Variants in VPS53 observed in about 807,000 individuals in gnomAD.
The protein encoded by VPS53 is vacuolar protein sorting-associated protein 53 homolog.
A neutral mutation model predicts 107.0 loss-of-function variants in VPS53; 70 were observed. The ratio of observed to expected loss-of-function variants is 0.65; its 90% CI spans 0.54 to 0.80. The LOEUF (loss-of-function observed/expected upper bound fraction) is 0.80, where lower values mean the gene tolerates loss of function less well. Among genes scored for constraint, VPS53 ranks in the 30% least tolerant of loss-of-function variants. VPS53 has a pLI of 0.00. For synonymous variants in VPS53, 409 were observed against 393.3 expected (o/e 1.04, Z -0.47); for missense variants, 917 against 1,049.4 (o/e 0.87, Z 1.74).
intron 13 of VPS53, among the ~76,000 whole-genome samples, chr17:583,322 G>A (rs976417166): frequency 6.7e-6 from 1 of 149,856 alleles, no homozygotes; most frequent in Non-Finnish European, 1.5e-5. Flanking sequence ...AGGACATAAT[G>A]CATTCCCACA....
chr17:621,638 T>C (rs1391352036), intron 11 of VPS53, among the ~76,000 whole-genome samples: 1 of 152,226 alleles, frequency 6.6e-6, no homozygotes, highest in Non-Finnish European at 1.5e-5. Context: ...TTTTCATGTT[T>C]ATTAGCCAAC....
chr17:634,358 A>G (rs1970099122), intron 7 of VPS53, among the ~76,000 whole-genome samples: 1 of 152,004 alleles, frequency 6.6e-6, no homozygotes, highest in African/African-American at 2.4e-5. Context: ...CATGCTCTTC[A>G]TTTTCATTTT....
chr17:624,509 C>T (rs2143028625), intron 10 of VPS53, among the ~76,000 whole-genome samples: 1 of 152,292 alleles, frequency 6.6e-6, no homozygotes, highest in South Asian at 2.1e-4. Context: ...AAGGACTAAG[C>T]TACCATCTTC....
At position 714,647 on chromosome 17, in the gene VPS53, G is replaced by A. The variant is rs147368637; in HGVS notation, c.63C>T (p.Pro21=). ...EELEAVLQLT[P]EVQLAIEQVF... ...CCTGCTCGATGGCCAGCTGCACCTC[G>A]GGCGTGAGCTGCAGCACGGCTTCCA... is the stretch of plus-strand genomic sequence containing the variant. The change falls in exon 1 of 22, where the codon CCC becomes CCT. Residue 21 remains proline (P), a synonymous_variant. Coordinates refer to ENST00000437048, the MANE Select transcript of VPS53 (RefSeq NM_001128159.3). 244 of 1,612,422 alleles carry A rather than the reference G, an allele frequency of 1.5e-4. No individual in the cohort carries two copies. Among genetic ancestry groups the A allele is most frequent in the Non-Finnish European group, 2.0e-4 (232 of 1,179,392 alleles).
At chr17:712,574 C>T (rs1487733915) in intron 1 of VPS53, among the ~76,000 whole-genome samples, 1 of 152,084 alleles carries the variant, frequency 6.6e-6, no homozygotes, top group East Asian at 1.9e-4. Flanking sequence ...CATCACTACT[C>T]TTTACAAGTA....
chr17:660,995 G>A (rs758909025), intron 5 of VPS53, among the ~76,000 whole-genome samples: 8 of 151,976 alleles, frequency 5.3e-5, no homozygotes, highest in African/African-American at 9.7e-5. Flanking sequence ...GCACAACACC[G>A]GGGGACACAA....
intron 12 of VPS53, among the ~76,000 whole-genome samples, chr17:588,655 T>C (rs1967461496): frequency 6.6e-6 from 1 of 152,222 alleles, no homozygotes; most frequent in Non-Finnish European, 1.5e-5. Flanking sequence ...TGGTCCTTCC[T>C]AAGAATAAAT....
At chr17:694,326 G>T (rs941646806) in intron 4 of VPS53, among the ~76,000 whole-genome samples, 1 of 152,204 alleles carries the variant, frequency 6.6e-6, no homozygotes, top group Non-Finnish European at 1.5e-5. Context: ...GGAGAACGCC[G>T]ACATTCCTGC....
chr17:620,659 G>C (rs1376764777), intron 11 of VPS53, among the ~76,000 whole-genome samples: 2 of 150,806 alleles, frequency 1.3e-5, no homozygotes, highest in Non-Finnish European at 2.9e-5. Context: ...AGCTATGGGT[G>C]TTTCAGATTC....
chr17:515,824 TCA>T lies in VPS53; in HGVS notation c.*3302_*3303del, dbSNP rs1288279614. ...AAAGTCTTTTTTTTTTAACTGAGTC[TCA>T]CTCTGTCTCCCAGGCTGGAGTGCAG... On this transcript the variant is annotated 3_prime_UTR_variant, in exon 22 of 22. Coordinates refer to ENST00000437048, the MANE Select transcript of VPS53 (RefSeq NM_001128159.3). The T allele has an allele frequency of 3.3e-5, 5 of 151,832 alleles. No homozygotes were observed. The highest frequency in any genetic ancestry group is 7.4e-5 in the Non-Finnish European group (5 of 67,976). The allele number at this position is 151,832 out of a possible 1,614,324, so 9.4% of individuals were successfully genotyped here.
At chr17:548,850 T>C (rs1177057334) in intron 17 of VPS53, among the ~76,000 whole-genome samples, 1 of 152,252 alleles carries the variant, frequency 6.6e-6, no homozygotes, top group Non-Finnish European at 1.5e-5. Flanking sequence ...CTGTTTGAAC[T>C]GCCCTACTAA....
chr17:572,305 G>T (rs1253406912), intron 13 of VPS53, among the ~76,000 whole-genome samples: 1 of 150,554 alleles, frequency 6.6e-6, no homozygotes, highest in African/African-American at 2.5e-5. Flanking sequence ...CCCTCTGCCC[G>T]GCAACCGCCC....
chr17:682,499 C>T (rs968144986), intron 4 of VPS53, among the ~76,000 whole-genome samples: 6 of 152,040 alleles, frequency 3.9e-5, no homozygotes, highest in Non-Finnish European at 7.4e-5. Flanking sequence ...GTAAGGAAGA[C>T]GGGGGTGCCA....
In VPS53 at chr17:562,637, G is replaced by C; in HGVS notation, c.1422C>G (p.Leu474=). The change falls in exon 14 of 22, where the codon CTC becomes CTG. Residue 474 remains leucine, a synonymous_variant. Transcript: ENST00000437048. ...CCATGCACTTCTTGTAGTAGACAAA[G>C]AGGTCGGCGCAGCTGGGGAGCACGG... ...GGAVLPSCAD[L]FVYYKKCMVQ... is the part of the protein sequence containing the mutation. The C allele has an allele frequency of 1.2e-6, 2 of 1,614,020 alleles. No homozygotes were observed. The highest frequency in any genetic ancestry group is 2.2e-5 in the East Asian group (1 of 44,872).
Position 511,620 on chromosome 17 carries a change from G to A in VPS53, c.*7508C>T, listed in dbSNP as rs1907949386. The stretch of plus-strand genomic sequence containing the variant: ...ATTATAAGGATTCAGCTGGCCTTGG[G>A]AAAAGTCTAAACATCTTTGAAACAC... On this transcript the variant is annotated 3_prime_UTR_variant, in exon 22 of 22. Coordinates refer to ENST00000437048, the MANE Select transcript of VPS53 (RefSeq NM_001128159.3). 6.6e-6 allele frequency: 1 copy of A among 152,134 alleles called. No individual in the cohort carries two copies. Among genetic ancestry groups the A allele is most frequent in the African/African-American group, 2.4e-5 (1 of 41,418 alleles). The allele number at this position is 152,134 out of a possible 1,614,324, so 9.4% of individuals were successfully genotyped here.
chr17:552,534 G>A (rs1911935663), intron 16 of VPS53: 1 of 153,170 alleles, frequency 6.5e-6, no homozygotes, highest in Non-Finnish European at 1.5e-5. Flanking sequence ...AGAACTTCCT[G>A]GACGGACCTC....
intron 7 of VPS53, among the ~76,000 whole-genome samples, chr17:646,804 C>T (rs201169976): frequency 0.045 from 2,448 of 54,826 alleles, 5 homozygotes; most frequent in East Asian, 0.12. Context: ...CACACATCTC[C>T]GTGACCGCGT....
rs1456741172 is a variant in VPS53, at chr17:521,603, T to C, written c.2221A>G (p.Lys741Glu). 4 of 1,541,326 alleles carry C rather than the reference T, an allele frequency of 2.6e-6. No individual in the cohort carries two copies. The highest frequency in any genetic ancestry group is 2.6e-6 in the Non-Finnish European group (3 of 1,141,008). The change falls in exon 20 of 22, where the codon AAG becomes GAG. Residue 741 changes from lysine (K) to glutamate (E), a missense_variant and splice_region_variant. By Grantham distance (56) the Lys-to-Glu change is moderately conservative. Coordinates refer to ENST00000437048, the MANE Select transcript of VPS53 (RefSeq NM_001128159.3). ...CCCCTTTTAACACAAGCCATCACCTTGAGGATCATCTCAGCCCGGGTCATG... is the reference window on the plus strand; with the variant it reads ...CCCCTTTTAACACAAGCCATCACCTCGAGGATCATCTCAGCCCGGGTCATG... ...KGMTRAEMIL[K>E]VVMAPHEPLV...
intron 19 of VPS53, among the ~76,000 whole-genome samples, chr17:531,572 A>G (rs1220342349): frequency 6.7e-6 from 1 of 149,994 alleles, no homozygotes; most frequent in Non-Finnish European, 1.5e-5. Flanking sequence ...CGGCACGATC[A>G]TAGCTCACTT....
Sources: gnomAD v4.1 joint callset for allele counts (sites outside exome capture counted in the v4.1 genomes callset) on GRCh38, gnomAD v4.1.1 for gene constraint, MANE v1.5 for transcripts, NCBI Gene and HGNC (gene_info 2026-07-23, HGNC 2026-07-21) for gene names.